MTHFD1: variants seen among roughly 807,000 people sequenced by gnomAD.
The protein encoded by MTHFD1 is C-1-tetrahydrofolate synthase, cytoplasmic.
MTHFD1 carries 44 observed loss-of-function variants against 110.3 expected under a neutral mutation model. That is an observed-to-expected ratio of 0.40 (90% CI 0.31 to 0.51). MTHFD1 has a LOEUF of 0.51. MTHFD1 is among the 20% of genes least tolerant of loss of function. The pLI, the probability that MTHFD1 is intolerant of heterozygous loss-of-function variation, is 0.60. For synonymous variants in MTHFD1, 402 were observed against 428.8 expected, an observed-to-expected ratio of 0.94 and a Z score of 0.77; for missense variants, 909 against 1,173.1, an observed-to-expected ratio of 0.77 and a Z score of 3.29.
Position 64,418,011 on chromosome 14 carries a change from A to G in MTHFD1, c.602A>G (p.His201Arg). 2 of 1,614,172 alleles carry G rather than the reference A, an allele frequency of 1.2e-6. No homozygotes were observed. The highest frequency in any genetic ancestry group is 2.2e-5 in the East Asian group (1 of 44,874). Residue 201 changes from histidine (H) to arginine (R), a missense_variant, in exon 7 of 28, where the codon CAT becomes CGT. This residue lies in a region of MTHFD1 where 424 missense variants were observed against 510.4 expected (regional missense o/e 0.83). Transcript: ENST00000652337. ...ACCACCTGCCACTCCAAGACTGCCC[A>G]TCTGGATGAGGAGGTAGGGTGTCCA... ...TVTTCHSKTA[H>R]LDEEVNKGDI...
At chr14:64,424,654 A>G in intron 8 of MTHFD1, 150 bp from the exon 9 acceptor site, 1 of 848,486 alleles carries the variant, frequency 1.2e-6, no homozygotes, top group South Asian at 1.5e-5. Flanking sequence ...AGAAATAGCA[A>G]ACATCTGTCA....
intron 26 of MTHFD1, 54 bp from the exon 27 acceptor site, chr14:64,458,160 C>A: frequency 7.3e-7 from 1 of 1,364,266 alleles, no homozygotes; most frequent in Non-Finnish European, 1.1e-6. Flanking sequence ...GGATTATAGG[C>A]GTGAGCCACT....
chr14:64,388,502 T>C (rs2077781036), intron 1 of MTHFD1, 34 bp downstream of exon 1: 3 of 1,599,188 alleles, frequency 1.9e-6, no homozygotes, highest in South Asian at 1.1e-5. Flanking sequence ...AGTGTGGGGC[T>C]GTGGACGAGG....
chr14:64,441,161 C>G, intron 18 of MTHFD1: 1 of 504,760 alleles, frequency 2.0e-6, no homozygotes, highest in South Asian at 1.9e-5. Context: ...CACTGCACTC[C>G]AGCCTGGGCA....
At position 64,427,141 on chromosome 14, in the gene MTHFD1, G is replaced by A. The variant is rs201313604; in HGVS notation, c.1128-196G>A. Among the ~76,000 whole-genome samples, 101 of 151,494 alleles carry A rather than the reference G, an allele frequency of 6.7e-4. 3 individuals carry two copies. The East Asian group carries it at 0.018, about 27-fold the overall frequency. ...TGCAGTCATAGCTTACTGTAGCCTG[G>A]AACTCCTGGGCTCAAGTGATCCTCT... On this transcript the variant is annotated intron_variant, in intron 11 of 27. Transcript: ENST00000652337.
intron 19 of MTHFD1, 159 bp from the exon 20 acceptor site, chr14:64,441,895 T>G (rs2078252351): frequency 1.4e-5 from 10 of 691,040 alleles, no homozygotes; most frequent in Non-Finnish European, 2.6e-5. Flanking sequence ...TCCTCACACC[T>G]GTGACTGGGA....
chr14:64,459,120 C>G (rs753392513), intron 27 of MTHFD1, among the ~76,000 whole-genome samples: 1 of 152,170 alleles, frequency 6.6e-6, no homozygotes, highest in Non-Finnish European at 1.5e-5. Flanking sequence ...AACATGTGCT[C>G]ACACCTAGCC....
intron 18 of MTHFD1, 136 bp downstream of exon 18, chr14:64,440,402 C>A: frequency 9.1e-7 from 1 of 1,095,094 alleles, no homozygotes; most frequent in Non-Finnish European, 1.4e-6. Context: ...TCCTATTTTG[C>A]TAATTACAAG....
intron 2 of MTHFD1, 107 bp downstream of exon 2, chr14:64,400,984 C>T (rs1197349508): frequency 2.4e-6 from 2 of 819,758 alleles, no homozygotes; most frequent in African/African-American, 3.4e-5. Flanking sequence ...GTTGTGTAAT[C>T]TCATGCCTTT....
chr14:64,435,419 C>A (rs2078198603), intron 15 of MTHFD1, 150 bp from the exon 16 acceptor site: 2 of 665,514 alleles, frequency 3.0e-6, no homozygotes, highest in South Asian at 1.6e-5. Context: ...TAGGAAATAA[C>A]CCCCAGCTTT....
chr14:64,405,999 ATG>A (rs1250435100), intron 2 of MTHFD1, among the ~76,000 whole-genome samples: 1 of 148,928 alleles, frequency 6.7e-6, no homozygotes, highest in Non-Finnish European at 1.5e-5. Flanking sequence ...TTTTATATAT[ATG>A]TGTGTGTGTG....
chr14:64,435,842 T>G (rs2078202198), intron 16 of MTHFD1, among the ~76,000 whole-genome samples, 171 bp downstream of exon 16: 1 of 152,218 alleles, frequency 6.6e-6, no homozygotes, highest in Non-Finnish European at 1.5e-5. Flanking sequence ...TCTCTCAGTA[T>G]CTCTCCTTAT....
At chr14:64,421,710 G>C (rs1020052910) in intron 8 of MTHFD1, among the ~76,000 whole-genome samples, 2 of 151,358 alleles carry the variant, frequency 1.3e-5, no homozygotes, top group Admixed American at 1.3e-4. Flanking sequence ...TGCAAGCTCC[G>C]CCTTGCGGGT....
intron 1 of MTHFD1, among the ~76,000 whole-genome samples, chr14:64,392,561 G>A (rs910621549): frequency 7.2e-5 from 11 of 152,164 alleles, no homozygotes. Context: ...TAGGTGCTGC[G>A]AGTGTTTGCT....
chr14:64,391,878 G>C (rs2077808464), intron 1 of MTHFD1, among the ~76,000 whole-genome samples: 1 of 152,162 alleles, frequency 6.6e-6, no homozygotes, highest in South Asian at 2.1e-4. Context: ...GAGTCTAATA[G>C]TGAACAAAAC....
intron 7 of MTHFD1, 122 bp from the exon 8 acceptor site, chr14:64,419,692 G>T: frequency 1.3e-6 from 1 of 747,552 alleles, no homozygotes. Flanking sequence ...AATATCTTAT[G>T]AAATAGCTTA....
In MTHFD1 at chr14:64,439,189, T is replaced by G. The variant is rs1169644425; in HGVS notation, c.1674+17T>G. On this transcript the variant is annotated intron_variant, in intron 17 of 27. Coordinates refer to ENST00000652337, the MANE Select transcript of MTHFD1 (RefSeq NM_005956.4). Reference sequence around the variant, plus strand: ...ACACGGACGGTAACAATTTGTCCCTTTCCAAGGAAATTAGTTCAGAGGCAC... The same window carrying G: ...ACACGGACGGTAACAATTTGTCCCTGTCCAAGGAAATTAGTTCAGAGGCAC... 3 of 1,604,912 alleles carry G rather than the reference T, an allele frequency of 1.9e-6. No homozygotes were observed. In the African/African-American group the frequency reaches 4.0e-5, roughly 21 times the overall value.
chr14:64,404,330 G>T (rs954821618), intron 2 of MTHFD1, among the ~76,000 whole-genome samples: 3 of 152,106 alleles, frequency 2.0e-5, no homozygotes, highest in African/African-American at 7.2e-5. Flanking sequence ...AATGCCTTGG[G>T]CTCACCCTTG....
chr14:64,418,083 GCTGCCATGTCCTTTA>G lies in MTHFD1; in HGVS notation c.615+61_615+75del, dbSNP rs375211476. On this transcript the variant is annotated intron_variant, in intron 7 of 27. Transcript: ENST00000652337. ...GGTGGGGAGGGTGGGTGTGCCAGAGGCTGCCATGTCCTTTACACTCATGACCTCATTTAACCCCAT... is the reference window on the plus strand; with the variant it reads ...GGTGGGGAGGGTGGGTGTGCCAGAGGCACTCATGACCTCATTTAACCCCAT... The G allele has an allele frequency of 1.1e-5, 18 of 1,599,698 alleles. No homozygotes were observed. The African/African-American group carries it at 2.3e-4, about 20-fold the overall frequency.
Sources: allele counts gnomAD v4.1 joint callset (sites outside exome capture counted in the v4.1 genomes callset), GRCh38; gene constraint gnomAD v4.1.1; regional missense constraint gnomAD v4.1.1; transcripts MANE v1.5; gene names NCBI Gene and HGNC (gene_info 2026-07-23, HGNC 2026-07-21).